Variants in FGF12 observed in about 807,000 individuals in gnomAD.
FGF12 encodes the protein fibroblast growth factor 12B.
A neutral mutation model predicts 23.6 loss-of-function variants in FGF12; 14 were observed. The ratio of observed to expected loss-of-function variants is 0.59; its 90% confidence interval spans 0.39 to 0.93. The LOEUF is 0.93. FGF12 is among the 40% of genes least tolerant of loss of function. The probability of loss-of-function intolerance (pLI) is 0.00; values close to 1 mark genes in which losing one functional copy is unlikely to be tolerated. For missense variants in FGF12, 175 were observed against 217.8 expected (o/e 0.80, Z 1.24); for synonymous variants, 62 against 77.3 (o/e 0.80, Z 1.04).
intron 4 of FGF12, among the ~76,000 whole-genome samples, chr3:192,261,193 A>C (rs950917336): frequency 2.6e-5 from 4 of 151,990 alleles, no homozygotes; most frequent in African/African-American, 9.7e-5. Flanking sequence ...CCATGAAAAC[A>C]CTCATGAAAG....
intron 4 of FGF12, among the ~76,000 whole-genome samples, chr3:192,292,936 G>A (rs1714835963): frequency 6.6e-6 from 1 of 151,990 alleles, no homozygotes; most frequent in Non-Finnish European, 1.5e-5. Context: ...GTACCACTAT[G>A]TCCAGCTAGG....
chr3:192,190,700 C>T (rs566425115), intron 4 of FGF12, among the ~76,000 whole-genome samples: 1 of 152,130 alleles, frequency 6.6e-6, no homozygotes, highest in South Asian at 2.1e-4. Flanking sequence ...TGGTCTCCAT[C>T]TCCTGACCTC....
At chr3:192,455,637 T>C (rs953527306) in intron 2 of FGF12, among the ~76,000 whole-genome samples, 24 of 152,236 alleles carry the variant, frequency 1.6e-4, no homozygotes, top group African/African-American at 5.8e-4. Context: ...AACATACGTG[T>C]TGTTATAAAC....
At chr3:192,265,227 T>C (rs1200710991) in intron 4 of FGF12, 1 of 152,142 alleles carries the variant, frequency 6.6e-6, no homozygotes, top group Non-Finnish European at 1.5e-5. Flanking sequence ...AGATGATTTT[T>C]TTAACCTATT....
chr3:192,431,610 T>C (rs139378674), intron 2 of FGF12, among the ~76,000 whole-genome samples: 29 of 152,282 alleles, frequency 1.9e-4, no homozygotes, highest in African/African-American at 6.0e-4. Flanking sequence ...ACAATTCTGA[T>C]AGAATCACAG....
At position 192,597,733 on chromosome 3, in the gene FGF12, G is replaced by A. The variant is rs754781497; in HGVS notation, c.13+129448C>T. ...AGATTTCATCTGCAAACAGTGCCCT[G>A]GCCAGACTTGCCAGTTACGTGGATG... On this transcript the variant is annotated intron_variant, in intron 2 of 5. Coordinates refer to ENST00000445105, the MANE Select transcript of FGF12 (RefSeq NM_004113.6). Among the ~76,000 whole-genome samples the A allele has an allele frequency of 7.9e-4, 120 of 152,188 alleles. 1 individual carries two copies. The highest frequency in any genetic ancestry group is 1.9e-4 in the African/African-American group (8 of 41,438).
chr3:192,531,722 A>G (rs1381148688), intron 2 of FGF12, among the ~76,000 whole-genome samples: 1 of 152,254 alleles, frequency 6.6e-6, no homozygotes, highest in African/African-American at 2.4e-5. Context: ...TTATGTGAAG[A>G]TAAAATTTGG....
chr3:192,312,516 T>C (rs988517103), intron 4 of FGF12, among the ~76,000 whole-genome samples: 4 of 151,678 alleles, frequency 2.6e-5, no homozygotes, highest in African/African-American at 7.3e-5. Flanking sequence ...CCCATAAGCA[T>C]ATAAATAAAA....
chr3:192,261,003 G>T (rs1560040192), intron 4 of FGF12, among the ~76,000 whole-genome samples: 1 of 152,082 alleles, frequency 6.6e-6, no homozygotes, highest in Non-Finnish European at 1.5e-5. Context: ...GGGGTAGGGA[G>T]TCACTTCGGA....
At chr3:192,503,615 T>C (rs1312667217) in intron 2 of FGF12, among the ~76,000 whole-genome samples, 1 of 148,154 alleles carries the variant, frequency 6.7e-6, no homozygotes, top group Non-Finnish European at 1.5e-5. Context: ...TTTTTTTTTT[T>C]TTTTTTGAGA....
chr3:192,325,104 C>G (rs1293923437), intron 4 of FGF12, among the ~76,000 whole-genome samples: 1 of 151,996 alleles, frequency 6.6e-6, no homozygotes, highest in Non-Finnish European at 1.5e-5. Context: ...CAACCTAATC[C>G]CAACAAAAAA....
chr3:192,229,839 T>G (rs988602246), intron 4 of FGF12, among the ~76,000 whole-genome samples: 19 of 152,156 alleles, frequency 1.2e-4, no homozygotes, highest in African/African-American at 4.3e-4. Flanking sequence ...GTTTACTAAT[T>G]AGAGGTTCAT....
At chr3:192,394,363 G>T (rs1245934094) in intron 2 of FGF12, among the ~76,000 whole-genome samples, 5 of 152,068 alleles carry the variant, frequency 3.3e-5, no homozygotes, top group Admixed American at 2.0e-4. Flanking sequence ...ATACAACAGA[G>T]AAGCTAATAA....
At chr3:192,177,971 C>G (rs941416969) in intron 4 of FGF12, among the ~76,000 whole-genome samples, 2 of 152,206 alleles carry the variant, frequency 1.3e-5, no homozygotes, top group African/African-American at 4.8e-5. Flanking sequence ...AAGTAGCTAC[C>G]ATGATTGCTA....
intron 2 of FGF12, among the ~76,000 whole-genome samples, chr3:192,386,697 A>G (rs900854397): frequency 7.9e-5 from 12 of 152,202 alleles, no homozygotes; most frequent in Non-Finnish European, 1.3e-4. Context: ...GAATAGAAAC[A>G]GAGACGTGTC....
intron 4 of FGF12, among the ~76,000 whole-genome samples, chr3:192,325,922 C>T (rs1393768083): frequency 6.6e-6 from 1 of 152,058 alleles, no homozygotes; most frequent in Non-Finnish European, 1.5e-5. Flanking sequence ...AGAATAGAAA[C>T]AGACTACTCA....
chr3:192,642,657 T>C lies in FGF12; in HGVS notation c.13+84524A>G, dbSNP rs563452400. ...ACTAAGATGATCAAGTGAAAGCAACTCCCACCAGTAAGAATTGCCTCTCTC... is the reference window on the plus strand; with the variant it reads ...ACTAAGATGATCAAGTGAAAGCAACCCCCACCAGTAAGAATTGCCTCTCTC... On this transcript the variant is annotated intron_variant, in intron 2 of 5. Transcript: ENST00000445105. Among the ~76,000 whole-genome samples, 6 of 152,342 alleles carry C rather than the reference T, an allele frequency of 3.9e-5. No homozygotes were observed. In the East Asian group the frequency reaches 1.2e-3, roughly 29 times the overall value.
chr3:192,486,397 C>T (rs545870687), intron 2 of FGF12, among the ~76,000 whole-genome samples: 1 of 151,774 alleles, frequency 6.6e-6, no homozygotes, highest in African/African-American at 2.4e-5. Context: ...AATAATCATC[C>T]GTGGGAGCCT....
rs139920146 is a variant in FGF12, at chr3:192,229,274, G to T, written c.229-58618C>A. ...CTTTCCATTTTACCAAGCCATACTG[G>T]TAAAATGTTTATTTATATAATGGTA... On this transcript the variant is annotated intron_variant, in intron 4 of 5. Transcript: ENST00000445105. Among the ~76,000 whole-genome samples, 177 of 152,090 alleles carry T rather than the reference G, an allele frequency of 1.2e-3. 2 individuals carry two copies. The highest frequency in any genetic ancestry group is 4.0e-3 in the African/African-American group (168 of 41,542).
Sources: allele counts gnomAD v4.1 joint callset (sites outside exome capture counted in the v4.1 genomes callset), GRCh38; gene constraint gnomAD v4.1.1; transcripts MANE v1.5; gene names NCBI Gene and HGNC (gene_info 2026-07-23, HGNC 2026-07-21).